EXPH5: variants seen among roughly 807,000 people sequenced by gnomAD.
EXPH5 encodes the protein exophilin 5, also known as exophilin-5.
Under a neutral mutation model 41.1 loss-of-function variants are expected in EXPH5, and 42 were observed. That is an observed-to-expected ratio of 1.02 (90% CI 0.80 to 1.32). The LOEUF is 1.32. Ranked by LOEUF, EXPH5 falls within the 40% of genes most tolerant of loss-of-function variation. The pLI is 0.00. For synonymous variants in EXPH5, 798 were observed against 833.5 expected, an observed-to-expected ratio of 0.96 and a Z score of 0.73; for missense variants, 2,298 against 2,314.5, an observed-to-expected ratio of 0.99 and a Z score of 0.15.
chr11:108,531,611 AC>A (rs2093838228), intron 3 of EXPH5, among the ~76,000 whole-genome samples: 1 of 152,096 alleles, frequency 6.6e-6, no homozygotes, highest in South Asian at 2.1e-4. Flanking sequence ...TCATTTCCAT[AC>A]CTTTATAGAT....
In EXPH5 at chr11:108,512,270, A is replaced by G. The variant is rs779621752; in HGVS notation, c.3237T>C (p.Asn1079=). The G allele has an allele frequency of 3.7e-6, 6 of 1,613,066 alleles. No individual in the cohort carries two copies. Among genetic ancestry groups the G allele is most frequent in the South Asian group, 1.1e-5 (1 of 90,802 alleles). ...KFSPSSPESA[N]ECSKVLSDSA... The stretch of plus-strand genomic sequence containing the variant: ...AGTCTGAAAGGACTTTGGAACATTC[A>G]TTCGCTGACTCAGGAGAACTGGGAC... Residue 1079 remains asparagine, a synonymous_variant, in exon 6 of 6, where the codon AAT becomes AAC. Coordinates refer to ENST00000265843, the MANE Select transcript of EXPH5 (RefSeq NM_015065.3).
intron 3 of EXPH5, 52 bp from the exon 4 acceptor site, chr11:108,528,236 A>G (rs2135983259): frequency 2.3e-6 from 3 of 1,318,618 alleles, no homozygotes; most frequent in Middle Eastern, 1.8e-4. Flanking sequence ...AACTTTTACC[A>G]GGCGGAAAAA....
intron 1 of EXPH5, among the ~76,000 whole-genome samples, chr11:108,567,219 A>C (rs1047137623): frequency 3.3e-5 from 5 of 152,196 alleles, no homozygotes; most frequent in African/African-American, 1.2e-4. Flanking sequence ...CAATAAACAA[A>C]CACCAGCCTT....
At chr11:108,586,796 T>C (rs1192064811) in intron 1 of EXPH5, among the ~76,000 whole-genome samples, 1 of 151,772 alleles carries the variant, frequency 6.6e-6, no homozygotes, top group Non-Finnish European at 1.5e-5. Flanking sequence ...TCCTCTTTCA[T>C]CTAGAAAGCC....
At chr11:108,564,312 A>G (rs1229559161) in intron 1 of EXPH5, among the ~76,000 whole-genome samples, 1 of 152,092 alleles carries the variant, frequency 6.6e-6, no homozygotes, top group Non-Finnish European at 1.5e-5. Context: ...ATAAAAGGAT[A>G]GTAAGAGACA....
intron 3 of EXPH5, chr11:108,537,871 T>G (rs2093889200): frequency 1.7e-6 from 1 of 579,770 alleles, no homozygotes; most frequent in Non-Finnish European, 2.2e-6. Context: ...CAAATAAATA[T>G]TTACTGGGCA....
chr11:108,573,924 C>T (rs576484333), intron 1 of EXPH5, among the ~76,000 whole-genome samples: 14 of 152,080 alleles, frequency 9.2e-5, no homozygotes, highest in East Asian at 1.9e-4. Context: ...ATTTTTGAGA[C>T]GGAGTCTCAC....
chr11:108,517,012 C>T (rs2093730985), intron 5 of EXPH5, among the ~76,000 whole-genome samples: 1 of 152,022 alleles, frequency 6.6e-6, no homozygotes, highest in African/African-American at 2.4e-5. Flanking sequence ...TTTTTCTTTC[C>T]CCTTAAAGTC....
upstream of EXPH5, among the ~76,000 whole-genome samples, chr11:108,596,729 T>C (rs1347523035): frequency 2.6e-5 from 4 of 152,126 alleles, no homozygotes; most frequent in Non-Finnish European, 5.9e-5. Context: ...TCATCAGACT[T>C]CAGCACTGAG....
Position 108,529,844 on chromosome 11 carries a change from C to CAA in EXPH5, c.444-1662_444-1661dup, listed in dbSNP as rs1190347075. Among the ~76,000 whole-genome samples the CAA allele has an allele frequency of 9.6e-3, 896 of 93,772 alleles. 6 individuals carry two copies. Among genetic ancestry groups the CAA allele is most frequent in the African/African-American group, 0.032 (843 of 26,586 alleles). 61.5% of individuals were successfully genotyped at this position (93,772 alleles called of 152,430 possible). On this transcript the variant is annotated intron_variant, in intron 3 of 5. Transcript: ENST00000265843. ...GGGTGAAAAGAGCAAAACTCTGTCTCAAAAAAAAAAAAAAAAGATTTAATA... is the reference window on the plus strand; with the variant it reads ...GGGTGAAAAGAGCAAAACTCTGTCTCAAAAAAAAAAAAAAAAAAGATTTAATA...
chr11:108,572,036 C>A (rs1301461029), intron 1 of EXPH5, among the ~76,000 whole-genome samples: 1 of 138,674 alleles, frequency 7.2e-6, no homozygotes, highest in South Asian at 2.4e-4. Context: ...GGTGACAGAG[C>A]GAGACTCTGT....
rs867849705 is a variant in EXPH5, at chr11:108,516,090, C to A, written c.632-1215G>T. Reference sequence around the variant, plus strand: ...CCGTCTCAAAAAAAAAAAAAAAAAACCAGAAAAAAAAACTCACTTTTCATA... The same window carrying A: ...CCGTCTCAAAAAAAAAAAAAAAAAAACAGAAAAAAAAACTCACTTTTCATA... On this transcript the variant is annotated intron_variant, in intron 5 of 5. Transcript: ENST00000265843. Among the ~76,000 whole-genome samples, 950 of 132,050 alleles carry A rather than the reference C, an allele frequency of 7.2e-3. 12 individuals are homozygous for A. The highest frequency in any genetic ancestry group is 0.022 in the African/African-American group (837 of 38,064). 86.6% of individuals were successfully genotyped at this position (132,050 alleles called of 152,430 possible). A position where few individuals can be genotyped will look rare whatever the true frequency, so the allele number is the denominator to read the frequency against.
chr11:108,584,860 C>T (rs540376055), intron 1 of EXPH5, among the ~76,000 whole-genome samples: 5 of 152,214 alleles, frequency 3.3e-5, no homozygotes, highest in African/African-American at 4.8e-5. Context: ...ATTCTTAGAA[C>T]GCTACTAAAA....
In EXPH5 at chr11:108,507,229, A is replaced by G. The variant is rs995597894; in HGVS notation, c.*2308T>C. On this transcript the variant is annotated 3_prime_UTR_variant, in exon 6 of 6. Transcript: ENST00000265843. ...CTTTCATGTTAGTTACCGCATGTTC[A>G]TTAGCTTTGAGTTGCATGGGAACCA... is the stretch of plus-strand genomic sequence containing the variant. The G allele has an allele frequency of 5.3e-5, 8 of 152,334 alleles. No homozygotes were observed. The highest frequency in any genetic ancestry group is 1.9e-4 in the African/African-American group (8 of 41,570). The allele number at this position is 152,334 out of a possible 1,614,324, so 9.4% of individuals were successfully genotyped here.
chr11:108,573,415 G>T lies in EXPH5; in HGVS notation c.119+20003C>A, dbSNP rs544491421. ...CACCTGACGTAGAAAATGGGAAGAG[G>T]AAAAAAACTGAAACACAATTAATGA... On this transcript the variant is annotated intron_variant, in intron 1 of 5. Coordinates refer to ENST00000265843, the MANE Select transcript of EXPH5 (RefSeq NM_015065.3). Among the ~76,000 whole-genome samples the T allele has an allele frequency of 1.5e-4, 23 of 152,082 alleles. No homozygotes were observed. The South Asian group carries it at 4.8e-3, about 32-fold the overall frequency.
At chr11:108,567,932 G>C (rs1269176347) in intron 1 of EXPH5, 1 of 152,166 alleles carries the variant, frequency 6.6e-6, no homozygotes, top group Non-Finnish European at 1.5e-5. Context: ...TGGGTGTTGG[G>C]TAGCACACAG....
upstream of EXPH5, among the ~76,000 whole-genome samples, chr11:108,597,120 T>C (rs2094139908): frequency 6.6e-6 from 1 of 151,976 alleles, no homozygotes; most frequent in South Asian, 2.1e-4. Flanking sequence ...CAGGGCTTAG[T>C]TTTTTCCATC....
intron 1 of EXPH5, among the ~76,000 whole-genome samples, chr11:108,582,218 C>T (rs947686552): frequency 2.6e-5 from 4 of 152,114 alleles, no homozygotes; most frequent in African/African-American, 9.7e-5. Context: ...AATCCCAGCA[C>T]TTTGGGAGGC....
chr11:108,540,123 C>T (rs1262779453), intron 2 of EXPH5, among the ~76,000 whole-genome samples: 2 of 152,118 alleles, frequency 1.3e-5, no homozygotes, highest in South Asian at 2.1e-4. Context: ...GAGTTCGAGA[C>T]CAGCCTGGCC....
Sources: allele counts gnomAD v4.1 joint callset (sites outside exome capture counted in the v4.1 genomes callset), GRCh38; gene constraint gnomAD v4.1.1; transcripts MANE v1.5; gene names NCBI Gene and HGNC (gene_info 2026-07-23, HGNC 2026-07-21).